CNTN5: variants seen among roughly 807,000 people sequenced by gnomAD.
CNTN5 encodes the protein contactin 5, also known as contactin-5.
In CNTN5, 77 loss-of-function variants were observed where a neutral mutation model predicts 129.1. That is an observed-to-expected ratio of 0.60 (90% CI 0.50 to 0.72). The LOEUF is 0.72. Among genes scored for constraint, CNTN5 ranks in the 30% least tolerant of loss-of-function variants. The pLI is 0.00. For missense variants in CNTN5, 1,478 were observed against 1,328.8 expected (o/e 1.11, Z -1.75); for synonymous variants, 509 against 465.6 (o/e 1.09, Z -1.20).
rs539503518 is a variant in CNTN5, at chr11:100,172,304, A to T, written c.1581-18822A>T. The stretch of plus-strand genomic sequence containing the variant: ...TGTGGTCTGATAAATTAATTACATT[A>T]AAAAAAGTGATTAATCAAATACCCT... On this transcript the variant is annotated intron_variant, in intron 13 of 24. Coordinates refer to ENST00000524871, the MANE Select transcript of CNTN5 (RefSeq NM_014361.4). 3.3e-5 allele frequency among the ~76,000 whole-genome samples: 5 copies of T among 152,056 alleles called. No homozygotes were observed. The East Asian group carries it at 9.7e-4, about 30-fold the overall frequency.
chr11:100,187,806 G>T (rs1011339919), intron 13 of CNTN5, among the ~76,000 whole-genome samples: 13 of 152,120 alleles, frequency 8.5e-5, no homozygotes, highest in Admixed American at 6.6e-4. Flanking sequence ...GATTAAAAAT[G>T]TAAATGTAAG....
At chr11:99,031,856 G>A (rs1018015576) in intron 1 of CNTN5, among the ~76,000 whole-genome samples, 7 of 150,484 alleles carry the variant, frequency 4.7e-5, no homozygotes, top group African/African-American at 7.3e-5. Flanking sequence ...ATGCTGGTGC[G>A]CTGCACCCAT....
intron 2 of CNTN5, among the ~76,000 whole-genome samples, chr11:99,374,808 T>C (rs1451467136): frequency 1.3e-5 from 2 of 152,116 alleles, no homozygotes; most frequent in African/African-American, 4.8e-5. Flanking sequence ...CATGTAAATA[T>C]TGGTGCCACC....
chr11:100,049,186 T>A (rs1047875856), intron 9 of CNTN5, among the ~76,000 whole-genome samples: 2 of 152,134 alleles, frequency 1.3e-5, no homozygotes, highest in Non-Finnish European at 2.9e-5. Context: ...TTTTAATTTC[T>A]AAAATTTTCT....
chr11:100,072,960 T>C (rs1943981320), intron 12 of CNTN5, among the ~76,000 whole-genome samples: 1 of 138,166 alleles, frequency 7.2e-6, no homozygotes, highest in African/African-American at 2.9e-5. Flanking sequence ...ATTTTCAAAA[T>C]TACTTTTTGT....
At chr11:99,156,420 G>A (rs570256532) in intron 1 of CNTN5, among the ~76,000 whole-genome samples, 1 of 151,912 alleles carries the variant, frequency 6.6e-6, no homozygotes, top group East Asian at 1.9e-4. Context: ...TTTAAAGAAG[G>A]TGCACAGATA....
chr11:99,406,850 G>A (rs1033547247), intron 2 of CNTN5, among the ~76,000 whole-genome samples: 7 of 152,076 alleles, frequency 4.6e-5, no homozygotes, highest in Non-Finnish European at 8.8e-5. Flanking sequence ...CAGACTCATC[G>A]GGAGTACTGC....
At chr11:100,148,942 T>C (rs1222999416) in intron 13 of CNTN5, among the ~76,000 whole-genome samples, 1 of 152,198 alleles carries the variant, frequency 6.6e-6, no homozygotes, top group East Asian at 1.9e-4. Flanking sequence ...GAATTTATAA[T>C]TCTTAAAGAA....
intron 17 of CNTN5, among the ~76,000 whole-genome samples, chr11:100,268,400 T>C (rs1015848848): frequency 6.6e-6 from 1 of 151,470 alleles, no homozygotes; most frequent in African/African-American, 2.4e-5. Context: ...CAGTAAGAAG[T>C]TGTGGAGAAG....
intron 16 of CNTN5, among the ~76,000 whole-genome samples, chr11:100,234,792 T>TAAAAAAAAAAAAA (rs781363668): frequency 2.9e-5 from 3 of 102,092 alleles, no homozygotes; most frequent in East Asian, 3.4e-4. Flanking sequence ...TCCCAGAATT[T>TAAAAAAAAAAAAA]AAAAAAAAAA....
intron 2 of CNTN5, among the ~76,000 whole-genome samples, chr11:99,518,701 T>C (rs1006330578): frequency 6.6e-6 from 1 of 152,112 alleles, no homozygotes; most frequent in African/African-American, 2.4e-5. Context: ...GACAAGATCT[T>C]CCATTTTCTT....
chr11:99,667,261 T>G (rs1415943812), intron 3 of CNTN5, among the ~76,000 whole-genome samples: 2 of 151,070 alleles, frequency 1.3e-5, no homozygotes, highest in Non-Finnish European at 3.0e-5. Context: ...CTGTAATTGC[T>G]TACAAGCATT....
chr11:99,504,494 C>T lies in CNTN5; in HGVS notation c.-70-51651C>T, dbSNP rs56249985. Among the ~76,000 whole-genome samples the T allele has an allele frequency of 6.3e-3, 893 of 141,982 alleles. 7 individuals carry two copies. Among genetic ancestry groups the T allele is most frequent in the African/African-American group, 0.023 (839 of 37,282 alleles). The allele number at this position is 141,982 out of a possible 152,430, so 93.1% of individuals were successfully genotyped here. On this transcript the variant is annotated intron_variant, in intron 2 of 24. Coordinates refer to ENST00000524871, the MANE Select transcript of CNTN5 (RefSeq NM_014361.4). ...AGGCGGAGGGTGCAGTGAGCCACTG[C>T]ACGCCAGCCTGGGCAACAGAGCCAG...
chr11:99,982,209 G>T (rs957366341), intron 8 of CNTN5, among the ~76,000 whole-genome samples: 2 of 152,156 alleles, frequency 1.3e-5, no homozygotes, highest in Non-Finnish European at 2.9e-5. Context: ...CCGGGGCTAT[G>T]GTAGTCAAGT....
At chr11:100,330,245 A>G (rs768679821) in intron 21 of CNTN5, among the ~76,000 whole-genome samples, 4 of 152,226 alleles carry the variant, frequency 2.6e-5, no homozygotes, top group Non-Finnish European at 4.4e-5. Flanking sequence ...GCTCAAAGAC[A>G]AGGCTTTTGA....
intron 3 of CNTN5, among the ~76,000 whole-genome samples, chr11:99,617,641 G>A (rs79929590): frequency 0.07 from 10,584 of 151,888 alleles, 416 homozygotes; most frequent in East Asian, 0.11. Flanking sequence ...AGATTTTTTC[G>A]ATGTGCAAAG....
At chr11:100,138,053 A>C (rs1946580748) in intron 13 of CNTN5, among the ~76,000 whole-genome samples, 1 of 152,116 alleles carries the variant, frequency 6.6e-6, no homozygotes. Context: ...AGATGACGGA[A>C]AGGGAAATGA....
chr11:99,950,484 T>TAA (rs76765767), intron 7 of CNTN5, among the ~76,000 whole-genome samples: 4 of 151,906 alleles, frequency 2.6e-5, no homozygotes, highest in African/African-American at 7.3e-5. Context: ...CCGTCTCAAG[T>TAA]AAAAAAAATA....
chr11:99,655,306 ACT>A lies in CNTN5; in HGVS notation c.55+99041_55+99042del, dbSNP rs546819564. ...TGTGAACAGTATCTAGTGCTACAAG[ACT>A]CTCGGCAAGAAGAAGTGGTCCAAAG... is the stretch of plus-strand genomic sequence containing the variant. On this transcript the variant is annotated intron_variant, in intron 3 of 24. Transcript: ENST00000524871. Among the ~76,000 whole-genome samples the A allele has an allele frequency of 2.2e-3, 342 of 152,154 alleles. 1 individual carries two copies. Among genetic ancestry groups the A allele is most frequent in the African/African-American group, 7.4e-3 (309 of 41,530 alleles).
Sources: gnomAD v4.1 joint callset for allele counts (sites outside exome capture counted in the v4.1 genomes callset) on GRCh38, gnomAD v4.1.1 for gene constraint, MANE v1.5 for transcripts, NCBI Gene and HGNC (gene_info 2026-07-23, HGNC 2026-07-21) for gene names.